Variants in CTNNA2 observed in about 807,000 individuals in gnomAD.
CTNNA2 encodes catenin alpha 2, also known as catenin alpha-2.
A neutral mutation model predicts 101.0 loss-of-function variants in CTNNA2; 42 were observed. That is an observed-to-expected ratio of 0.42 (90% confidence interval 0.32 to 0.54). CTNNA2 has a LOEUF of 0.54. Ranked by LOEUF, CTNNA2 falls within the 20% of genes least tolerant of loss-of-function variation. The pLI is 0.14. For missense variants in CTNNA2, 871 were observed against 1,223.1 expected (o/e 0.71, Z 4.29); for synonymous variants, 450 against 456.4 (o/e 0.99, Z 0.18).
In CTNNA2 at chr2:79,669,035, G is replaced by A. The variant is rs117265035; in HGVS notation, c.102+17377G>A. ...GTGAGGTGTGTAGATGGTATCTCAC[G>A]TGGAGATCTTGCAGGGTAAACCTTA... On this transcript the variant is annotated intron_variant, in intron 2 of 18. Coordinates refer to ENST00000402739, the MANE Select transcript of CTNNA2 (RefSeq NM_001282597.3). Among the ~76,000 whole-genome samples, 529 of 152,280 alleles carry A rather than the reference G, an allele frequency of 3.5e-3. 11 individuals are homozygous for A. The East Asian group carries it at 0.048, about 14-fold the overall frequency.
intron 3 of CTNNA2, among the ~76,000 whole-genome samples, chr2:79,359,006 A>C (rs946487716): frequency 2.0e-5 from 3 of 152,200 alleles, no homozygotes; most frequent in Non-Finnish European, 4.4e-5. Flanking sequence ...TGTAGGCCAC[A>C]GTTACACCTA....
chr2:80,544,335 G>T (rs1164083244), intron 9 of CTNNA2, among the ~76,000 whole-genome samples: 3 of 151,920 alleles, frequency 2.0e-5, no homozygotes, highest in African/African-American at 7.3e-5. Flanking sequence ...GAAAATGGAA[G>T]GTGCCAGAAA....
At chr2:79,806,352 G>T (rs1482943505) in intron 3 of CTNNA2, among the ~76,000 whole-genome samples, 1 of 152,172 alleles carries the variant, frequency 6.6e-6, no homozygotes, top group African/African-American at 2.4e-5. Context: ...TGGAGAGAGA[G>T]GTGTATGTGT....
intron 2 of CTNNA2, among the ~76,000 whole-genome samples, chr2:79,306,299 T>C (rs1676245598): frequency 6.6e-6 from 1 of 152,132 alleles, no homozygotes; most frequent in Admixed American, 6.5e-5. Context: ...TTGTACATCA[T>C]GACAACTACA....
intron 4 of CTNNA2, among the ~76,000 whole-genome samples, chr2:79,424,997 G>A (rs1472846021): frequency 6.6e-6 from 1 of 152,096 alleles, no homozygotes. Flanking sequence ...TTAACACAAT[G>A]GGCAGCTGGT....
At chr2:80,104,267 A>G (rs1425892616) in intron 7 of CTNNA2, among the ~76,000 whole-genome samples, 1 of 152,212 alleles carries the variant, frequency 6.6e-6, no homozygotes, top group Non-Finnish European at 1.5e-5. Flanking sequence ...CTTTTGGAGG[A>G]CAATACTTAT....
chr2:79,761,982 T>G (rs1672817132), intron 3 of CTNNA2, among the ~76,000 whole-genome samples: 1 of 152,194 alleles, frequency 6.6e-6, no homozygotes, highest in Admixed American at 6.5e-5. Flanking sequence ...CTTGCTCTTC[T>G]TGGTATAGTG....
chr2:80,143,351 T>C (rs1161719916), intron 7 of CTNNA2, among the ~76,000 whole-genome samples: 1 of 152,202 alleles, frequency 6.6e-6, no homozygotes, highest in East Asian at 1.9e-4. Context: ...TAAGTAATGT[T>C]TTGATACATT....
intron 7 of CTNNA2, among the ~76,000 whole-genome samples, chr2:80,214,753 G>C (rs186422529): frequency 5.9e-5 from 9 of 152,212 alleles, no homozygotes; most frequent in Non-Finnish European, 1.0e-4. Context: ...TGCCCTTCTT[G>C]AGGAGTATCT....
intron 7 of CTNNA2, among the ~76,000 whole-genome samples, chr2:80,208,617 C>G (rs983677648): frequency 6.6e-6 from 1 of 152,124 alleles, no homozygotes; most frequent in African/African-American, 2.4e-5. Context: ...GCATCTCAGT[C>G]TCGGGGCACA....
At chr2:79,727,762 G>C (rs1686943368) in intron 2 of CTNNA2, among the ~76,000 whole-genome samples, 1 of 124,550 alleles carries the variant, frequency 8.0e-6, no homozygotes, top group Non-Finnish European at 1.6e-5. Context: ...AGAGTGTGAT[G>C]TTCCCCTTCC....
chr2:79,742,000 C>G (rs975399338), intron 2 of CTNNA2, among the ~76,000 whole-genome samples: 1 of 152,108 alleles, frequency 6.6e-6, no homozygotes, highest in Non-Finnish European at 1.5e-5. Context: ...GCTCTTCCAC[C>G]CATGAGTACA....
chr2:80,578,354 C>A (rs1695243663), intron 13 of CTNNA2, among the ~76,000 whole-genome samples: 1 of 152,158 alleles, frequency 6.6e-6, no homozygotes, highest in Non-Finnish European at 1.5e-5. Context: ...GTACAGCGAA[C>A]TGTTTATTTT....
chr2:80,519,737 A>G (rs1165134458), intron 9 of CTNNA2, among the ~76,000 whole-genome samples: 1 of 152,186 alleles, frequency 6.6e-6, no homozygotes, highest in Non-Finnish European at 1.5e-5. Flanking sequence ...ACATGCTAGT[A>G]TCTTTACTTT....
chr2:80,456,048 G>A (rs1464573285), intron 9 of CTNNA2, among the ~76,000 whole-genome samples: 1 of 152,046 alleles, frequency 6.6e-6, no homozygotes, highest in African/African-American at 2.4e-5. Context: ...TTCCTTATTT[G>A]TACCATAATT....
intron 7 of CTNNA2, among the ~76,000 whole-genome samples, chr2:80,116,122 C>T (rs1337380227): frequency 6.6e-6 from 1 of 151,980 alleles, no homozygotes; most frequent in Non-Finnish European, 1.5e-5. Context: ...CCTATAGTCT[C>T]TGTTGCAATT....
chr2:79,690,228 A>C (rs2104694868), intron 2 of CTNNA2, among the ~76,000 whole-genome samples: 1 of 152,208 alleles, frequency 6.6e-6, no homozygotes, highest in South Asian at 2.1e-4. Flanking sequence ...TTCTGGGATT[A>C]AAGTGATAGA....
intron 2 of CTNNA2, among the ~76,000 whole-genome samples, chr2:79,663,561 G>A (rs1682188670): frequency 6.6e-6 from 1 of 152,150 alleles, no homozygotes; most frequent in African/African-American, 2.4e-5. Context: ...TTCTACTGCT[G>A]TGACTGGCTC....
intron 7 of CTNNA2, among the ~76,000 whole-genome samples, chr2:80,186,455 C>G (rs1706134287): frequency 6.6e-6 from 1 of 152,112 alleles, no homozygotes; most frequent in Non-Finnish European, 1.5e-5. Flanking sequence ...AGTTCAGTGC[C>G]CTGGACACTT....
Sources: gnomAD v4.1 joint callset for allele counts (sites outside exome capture counted in the v4.1 genomes callset) on GRCh38, gnomAD v4.1.1 for gene constraint, MANE v1.5 for transcripts, NCBI Gene and HGNC (gene_info 2026-07-23, HGNC 2026-07-21) for gene names.